The following SPOCK1 variants were observed in gnomAD, a reference collection of about 807,000 sequenced individuals.
SPOCK1 encodes testican-1.
A neutral mutation model predicts 55.3 loss-of-function variants in SPOCK1; 23 were observed. The ratio of observed to expected loss-of-function variants is 0.42; its 90% CI spans 0.30 to 0.59. The LOEUF (loss-of-function observed/expected upper bound fraction) is 0.59, where lower values mean the gene tolerates loss of function less well. SPOCK1 is among the 20% of genes least tolerant of loss of function. The pLI, the probability that SPOCK1 is intolerant of heterozygous loss-of-function variation, is 0.22. For missense variants in SPOCK1, 499 were observed against 552.5 expected (o/e 0.90, Z 0.97); for synonymous variants, 226 against 221.0 (o/e 1.02, Z -0.20).
intron 2 of SPOCK1, among the ~76,000 whole-genome samples, chr5:137,463,476 T>C (rs996558635): frequency 1.6e-5 from 2 of 127,318 alleles, no homozygotes; most frequent in African/African-American, 6.2e-5. Context: ...ACCATTGAAC[T>C]AATGGAGATA....
At chr5:137,371,177 C>G (rs1175557309) in intron 2 of SPOCK1, among the ~76,000 whole-genome samples, 7 of 152,178 alleles carry the variant, frequency 4.6e-5, no homozygotes, top group Non-Finnish European at 8.8e-5. Flanking sequence ...TCTAAGGAGG[C>G]AGAATGAATA....
chr5:137,070,974 G>A (rs546010933), intron 5 of SPOCK1, among the ~76,000 whole-genome samples: 73 of 151,202 alleles, frequency 4.8e-4, no homozygotes, highest in African/African-American at 1.7e-3. Context: ...TTACCTTTCA[G>A]GACAATATGT....
At chr5:137,498,618 C>A in intron 1 of SPOCK1, 60 bp from the exon 2 acceptor site, 1 of 1,235,804 alleles carries the variant, frequency 8.1e-7, no homozygotes, top group Non-Finnish European at 1.0e-6. Context: ...GAGCCCCGGG[C>A]ACCCAGGCGT....
chr5:136,986,904 T>C (rs889802515), intron 8 of SPOCK1, among the ~76,000 whole-genome samples: 5 of 152,138 alleles, frequency 3.3e-5, no homozygotes, highest in African/African-American at 1.2e-4. Context: ...TTTAATTGGA[T>C]AAACTGATGC....
chr5:137,168,646 T>C (rs375615726), intron 3 of SPOCK1, among the ~76,000 whole-genome samples: 2 of 152,162 alleles, frequency 1.3e-5, no homozygotes, highest in East Asian at 1.9e-4. Flanking sequence ...AAATCAAAAC[T>C]ACAATGAGAT....
intron 3 of SPOCK1, among the ~76,000 whole-genome samples, chr5:137,246,991 C>A (rs909576878): frequency 5.9e-5 from 9 of 152,154 alleles, no homozygotes; most frequent in Admixed American, 5.2e-4. Flanking sequence ...CAGCACATAC[C>A]CTCACATGTC....
chr5:137,294,605 T>C (rs1757442835), intron 2 of SPOCK1, among the ~76,000 whole-genome samples: 1 of 152,192 alleles, frequency 6.6e-6, no homozygotes, highest in African/African-American at 2.4e-5. Flanking sequence ...TCCATTATTT[T>C]CCACATATCA....
intron 2 of SPOCK1, among the ~76,000 whole-genome samples, chr5:137,384,362 G>T (rs1304873687): frequency 6.6e-6 from 1 of 152,052 alleles, no homozygotes; most frequent in Non-Finnish European, 1.5e-5. Context: ...GTCTAAAGTA[G>T]ACTACCCTAT....
At chr5:137,032,541 G>A (rs1263999164) in intron 6 of SPOCK1, among the ~76,000 whole-genome samples, 1 of 152,188 alleles carries the variant, frequency 6.6e-6, no homozygotes, top group African/African-American at 2.4e-5. Flanking sequence ...GCCAGAAAAA[G>A]GCACGAGGTA....
intron 1 of SPOCK1, among the ~76,000 whole-genome samples, chr5:137,498,870 A>G (rs1247980563): frequency 6.6e-6 from 1 of 150,984 alleles, no homozygotes; most frequent in Non-Finnish European, 1.5e-5. Flanking sequence ...ACCCCTCCCC[A>G]GAAGCGGGGA....
intron 7 of SPOCK1, among the ~76,000 whole-genome samples, chr5:136,991,307 G>C (rs974628448): frequency 2.0e-5 from 3 of 151,476 alleles, no homozygotes; most frequent in African/African-American, 7.3e-5. Flanking sequence ...ACCCCACCAA[G>C]AACCACTTTG....
chr5:137,481,228 T>C (rs1472646962), intron 2 of SPOCK1, among the ~76,000 whole-genome samples: 1 of 152,214 alleles, frequency 6.6e-6, no homozygotes, highest in African/African-American at 2.4e-5. Flanking sequence ...TGGGATTGTA[T>C]GACCCTCCCT....
chr5:137,178,641 G>A (rs10060621), intron 3 of SPOCK1, among the ~76,000 whole-genome samples: 9,400 of 152,244 alleles, frequency 0.062, 978 homozygotes, highest in African/African-American at 0.21. Flanking sequence ...ACAGAGTCTA[G>A]TACCAGCCCA....
intron 2 of SPOCK1, among the ~76,000 whole-genome samples, chr5:137,311,084 A>G (rs1198271439): frequency 1.3e-5 from 2 of 152,144 alleles, no homozygotes; most frequent in Non-Finnish European, 2.9e-5. Context: ...ACATTTCCAA[A>G]TGGGTACTAG....
At chr5:136,979,978 G>T (rs1326210260) in intron 9 of SPOCK1, among the ~76,000 whole-genome samples, 1 of 152,118 alleles carries the variant, frequency 6.6e-6, no homozygotes, top group Non-Finnish European at 1.5e-5. Flanking sequence ...ATTAACTACT[G>T]CACTTGGTTC....
chr5:137,070,114 A>G (rs755637990), intron 5 of SPOCK1, among the ~76,000 whole-genome samples: 16 of 152,140 alleles, frequency 1.1e-4, no homozygotes, highest in Admixed American at 5.9e-4. Context: ...TTGAGCAGAC[A>G]TGTCAAGAAT....
At chr5:137,196,846 T>A (rs1459233744) in intron 3 of SPOCK1, among the ~76,000 whole-genome samples, 1 of 152,256 alleles carries the variant, frequency 6.6e-6, no homozygotes, top group African/African-American at 2.4e-5. Context: ...CCCTGCACAA[T>A]ATGAGCTTAG....
At chr5:137,133,960 G>GGGGGGGAGC (rs1753931339) in intron 4 of SPOCK1, among the ~76,000 whole-genome samples, 1 of 151,136 alleles carries the variant, frequency 6.6e-6, no homozygotes, top group African/African-American at 2.4e-5. Context: ...GCTGGGGGTG[G>GGGGGGGAGC]GGGGGGTAGC....
At chr5:137,057,388 C>T (rs1290378520) in intron 6 of SPOCK1, among the ~76,000 whole-genome samples, 1 of 152,180 alleles carries the variant, frequency 6.6e-6, no homozygotes, top group Non-Finnish European at 1.5e-5. Context: ...CCAACCTGAA[C>T]ATCTATCACT....
Sources: gnomAD v4.1 joint callset for allele counts (sites outside exome capture counted in the v4.1 genomes callset) on GRCh38, gnomAD v4.1.1 for gene constraint, MANE v1.5 for transcripts, NCBI Gene and HGNC (gene_info 2026-07-23, HGNC 2026-07-21) for gene names.